AGBL4: variants seen among roughly 807,000 people sequenced by gnomAD.
AGBL4 encodes the protein cytosolic carboxypeptidase 6.
In AGBL4, 58 loss-of-function variants were observed where a neutral mutation model predicts 66.4. The ratio of observed to expected loss-of-function variants is 0.87; its 90% CI spans 0.71 to 1.09. The LOEUF is 1.09. Among genes scored for constraint, AGBL4 ranks in the 50% least tolerant of loss-of-function variants. AGBL4 has a pLI of 0.00. For synonymous variants in AGBL4, 234 were observed against 222.9 expected (o/e 1.05, Z -0.44); for missense variants, 579 against 631.0 (o/e 0.92, Z 0.88).
In AGBL4 at chr1:48,700,074, C is replaced by T. The variant is rs552383325; in HGVS notation, c.635-36833G>A. On this transcript the variant is annotated intron_variant, in intron 6 of 13. Transcript: ENST00000371839. ...GATCATAGGCATGAGCCACTGCACC[C>T]GGATGTTAATGACACTATTAACTCC... 2.1e-4 allele frequency among the ~76,000 whole-genome samples: 32 copies of T among 152,186 alleles called. 2 individuals are homozygous for T. In the South Asian group the frequency reaches 2.3e-3, roughly 11 times the overall value.
intron 3 of AGBL4, among the ~76,000 whole-genome samples, chr1:49,319,000 C>T (rs1380584781): frequency 6.6e-6 from 1 of 152,124 alleles, no homozygotes; most frequent in Non-Finnish European, 1.5e-5. Context: ...GCTATGACAA[C>T]ACTTCACCTG....
intron 3 of AGBL4, among the ~76,000 whole-genome samples, chr1:49,532,279 CTTTTA>C (rs1187800418): frequency 2.0e-5 from 3 of 152,070 alleles, no homozygotes; most frequent in Admixed American, 6.6e-5. Flanking sequence ...AGGGAATTAG[CTTTTA>C]TTATATTATG....
intron 8 of AGBL4, among the ~76,000 whole-genome samples, chr1:48,638,799 T>G (rs982577209): frequency 6.6e-6 from 1 of 152,216 alleles, no homozygotes; most frequent in African/African-American, 2.4e-5. Context: ...ATGGCAGACA[T>G]CGAAGAAGTA....
chr1:49,039,162 C>T (rs1664903692), intron 5 of AGBL4, among the ~76,000 whole-genome samples: 1 of 152,012 alleles, frequency 6.6e-6, no homozygotes, highest in Non-Finnish European at 1.5e-5. Context: ...TTAAAAAGAT[C>T]AGTGGTTGAC....
chr1:49,165,998 GA>G (rs1274262021), intron 4 of AGBL4, among the ~76,000 whole-genome samples: 1 of 152,024 alleles, frequency 6.6e-6, no homozygotes, highest in African/African-American at 2.4e-5. Flanking sequence ...TTAGATTCTG[GA>G]CCCTTTCAAG....
chr1:49,790,363 CAAAA>C (rs11313463), intron 2 of AGBL4, among the ~76,000 whole-genome samples: 4 of 99,004 alleles, frequency 4.0e-5, no homozygotes, highest in Admixed American at 1.0e-4. Flanking sequence ...GATTCTATCT[CAAAA>C]AAAAAAAAAA....
At chr1:48,633,662 C>T (rs1276925718) in intron 9 of AGBL4, among the ~76,000 whole-genome samples, 6 of 152,206 alleles carry the variant, frequency 3.9e-5, no homozygotes, top group Admixed American at 1.3e-4. Context: ...ATATCCTCCA[C>T]CTGAAAAAAT....
rs185957714 is a variant in AGBL4 at position 49,236,894 on chromosome 1, G to A, written c.377+8876C>T. ...CGCATGTCATGGGAGAAACCTCGGT[G>A]GGGAGGTAATTGAATCATGGGGTGA... is the stretch of plus-strand genomic sequence containing the variant. On this transcript the variant is annotated intron_variant, in intron 4 of 13. Transcript: ENST00000371839. Among the ~76,000 whole-genome samples the A allele has an allele frequency of 8.2e-3, 1,240 of 152,034 alleles. 8 individuals carry two copies. Among genetic ancestry groups the A allele is most frequent in the Non-Finnish European group, 0.013 (900 of 67,996 alleles).
chr1:49,524,540 C>A (rs1410161204), intron 3 of AGBL4, among the ~76,000 whole-genome samples: 1 of 152,098 alleles, frequency 6.6e-6, no homozygotes, highest in Non-Finnish European at 1.5e-5. Flanking sequence ...TTATATCTGG[C>A]CTCTGGACTG....
rs1644344892 is a variant in AGBL4, at chr1:49,572,178, C to T, written c.282+125135G>A. On this transcript the variant is annotated intron_variant, in intron 3 of 13. Coordinates refer to ENST00000371839, the MANE Select transcript of AGBL4 (RefSeq NM_032785.4). ...TATTTTTTGTATGTTTGGTAGCATTCAACTAAGAATACATAGGCTATGGGG... is the reference window on the plus strand; with the variant it reads ...TATTTTTTGTATGTTTGGTAGCATTTAACTAAGAATACATAGGCTATGGGG... Among the ~76,000 whole-genome samples the T allele has an allele frequency of 2.0e-5, 3 of 152,074 alleles. No individual in the cohort carries two copies. The South Asian group carries it at 6.2e-4, about 32-fold the overall frequency.
intron 2 of AGBL4, among the ~76,000 whole-genome samples, chr1:49,833,831 G>A (rs1471462519): frequency 3.3e-5 from 5 of 152,082 alleles, no homozygotes; most frequent in African/African-American, 1.2e-4. Context: ...TGTGATTTTT[G>A]TACATTGATT....
chr1:49,781,689 T>C (rs920232084), intron 2 of AGBL4, among the ~76,000 whole-genome samples: 1 of 152,100 alleles, frequency 6.6e-6, no homozygotes, highest in Admixed American at 6.5e-5. Flanking sequence ...GAGTATACAA[T>C]TTCACGAAGT....
intron 5 of AGBL4, among the ~76,000 whole-genome samples, chr1:48,968,662 C>A (rs1038247606): frequency 5.9e-5 from 9 of 152,272 alleles, no homozygotes; most frequent in African/African-American, 2.2e-4. Context: ...AAGGACTTAT[C>A]TAAGGCCACA....
intron 1 of AGBL4, among the ~76,000 whole-genome samples, chr1:49,895,800 A>G (rs76774090): frequency 8.7e-4 from 132 of 152,142 alleles, no homozygotes; most frequent in African/African-American, 3.2e-3. Context: ...CACAGCAAGG[A>G]AAAAGAAAGG....
chr1:49,613,695 G>T (rs1402289218), intron 3 of AGBL4, among the ~76,000 whole-genome samples: 1 of 152,164 alleles, frequency 6.6e-6, no homozygotes, highest in Non-Finnish European at 1.5e-5. Flanking sequence ...CCATATAGTT[G>T]CAAGAAAACA....
At chr1:49,711,332 GA>G (rs1226898867) in intron 2 of AGBL4, among the ~76,000 whole-genome samples, 1 of 152,060 alleles carries the variant, frequency 6.6e-6, no homozygotes, top group Non-Finnish European at 1.5e-5. Context: ...CTGAAAACTG[GA>G]AACAACCTAA....
chr1:49,433,805 G>C lies in AGBL4; in HGVS notation c.283-187941C>G, dbSNP rs149962781. On this transcript the variant is annotated intron_variant, in intron 3 of 13. Coordinates refer to ENST00000371839, the MANE Select transcript of AGBL4 (RefSeq NM_032785.4). ...ATAGACTTCACATATTTGTCATGAG[G>C]ATTGGGTTAAATATATAGAGAAATG... Among the ~76,000 whole-genome samples the C allele has an allele frequency of 2.2e-3, 341 of 152,218 alleles. 4 individuals are homozygous for C. Among genetic ancestry groups the C allele is most frequent in the African/African-American group, 7.9e-3 (328 of 41,556 alleles).
chr1:49,161,009 A>T (rs1646530909), intron 4 of AGBL4, among the ~76,000 whole-genome samples: 1 of 152,110 alleles, frequency 6.6e-6, no homozygotes, highest in South Asian at 2.1e-4. Context: ...GGAGTCGCCA[A>T]GCTAGACCAC....
chr1:49,660,964 G>C (rs1035012368), intron 3 of AGBL4, among the ~76,000 whole-genome samples: 10 of 151,958 alleles, frequency 6.6e-5, no homozygotes, highest in East Asian at 5.8e-4. Context: ...GGTCATGCAG[G>C]GGGAGGGAGA....
Sources: allele counts gnomAD v4.1 joint callset (sites outside exome capture counted in the v4.1 genomes callset), GRCh38; gene constraint gnomAD v4.1.1; transcripts MANE v1.5; gene names NCBI Gene and HGNC (gene_info 2026-07-23, HGNC 2026-07-21).